Variants in ADAM20 observed in about 807,000 individuals in gnomAD.
ADAM20 encodes the protein disintegrin and metalloproteinase domain-containing protein 20.
For missense variants in ADAM20, 871 were observed against 883.2 expected, an observed-to-expected ratio of 0.99 and a Z score of 0.18; for synonymous variants, 305 against 310.2, an observed-to-expected ratio of 0.98 and a Z score of 0.18.
chr14:70,536,185 G>T (rs1333490943), upstream of ADAM20, among the ~76,000 whole-genome samples: 1 of 152,040 alleles, frequency 6.6e-6, no homozygotes, highest in Non-Finnish European at 1.5e-5. Context: ...AAGAATTGGG[G>T]CCAGGCATGG....
upstream of ADAM20, among the ~76,000 whole-genome samples, chr14:70,538,144 C>T (rs927092949): frequency 2.8e-4 from 42 of 152,166 alleles, 1 homozygote; most frequent in Admixed American, 1.7e-3. Flanking sequence ...CCCGGTGTCC[C>T]GCCCTGCCCC....
the ADAM20 span, among the ~76,000 whole-genome samples, chr14:70,575,411 G>A: frequency 1.3e-5 from 2 of 151,892 alleles, no homozygotes; most frequent in African/African-American, 4.8e-5. Context: ...AGACCAGCCT[G>A]GCCAATATGG....
At chr14:70,558,469 T>C in the ADAM20 span, among the ~76,000 whole-genome samples, 1 of 152,118 alleles carries the variant, frequency 6.6e-6, no homozygotes, top group South Asian at 2.1e-4. Flanking sequence ...TGTGTGCCTG[T>C]GTGTTATACA....
the ADAM20 span, among the ~76,000 whole-genome samples, chr14:70,579,402 G>A: frequency 4.8e-3 from 728 of 152,064 alleles, 6 homozygotes; most frequent in African/African-American, 0.016. Flanking sequence ...GTATCTCGTC[G>A]TGGTTTTAAT....
chr14:70,530,392 T>A (rs1398021109), intron 1 of ADAM20, among the ~76,000 whole-genome samples: 2 of 152,168 alleles, frequency 1.3e-5, no homozygotes, highest in Non-Finnish European at 2.9e-5. Context: ...GAGGCTGTTT[T>A]ACAGTTAGCT....
the ADAM20 span, among the ~76,000 whole-genome samples, chr14:70,576,305 G>A: frequency 4.6e-5 from 7 of 152,160 alleles, no homozygotes; most frequent in South Asian, 6.2e-4. Context: ...TTCTGCAGAC[G>A]TTCAAATATC....
At chr14:70,556,040 C>A in the ADAM20 span, among the ~76,000 whole-genome samples, 6,467 of 152,286 alleles carry the variant, frequency 0.042, 244 homozygotes, top group African/African-American at 0.097. Context: ...TAGTCTCCAA[C>A]GCCCACTTTC....
upstream of ADAM20, among the ~76,000 whole-genome samples, chr14:70,538,161 C>T (rs59748874): frequency 0.27 from 40,988 of 151,860 alleles, 7,687 homozygotes; most frequent in East Asian, 0.56. Flanking sequence ...CCCCCAAGCC[C>T]TCAGCCCCAA....
rs1883795935 is a variant in ADAM20, at chr14:70,534,794, T to C, written c.-177+3A>G. 1 of 152,250 alleles carries C rather than the reference T, an allele frequency of 6.6e-6. No homozygotes were observed. Among genetic ancestry groups the C allele is most frequent in the African/African-American group, 2.4e-5 (1 of 41,468 alleles). 9.4% of individuals were successfully genotyped at this position (152,250 alleles called of 1,614,324 possible). ...TACTGTAGCTCCTTCTAGCAAATCT[T>C]ACCTCTGTGTCTTTCAGTGTTCCAT... On this transcript the variant is annotated splice_donor_region_variant and intron_variant, in intron 1 of 1. Coordinates refer to ENST00000256389, the MANE Select transcript of ADAM20 (RefSeq NM_003814.5).
chr14:70,545,943 A>C, the ADAM20 span, among the ~76,000 whole-genome samples: 3 of 152,242 alleles, frequency 2.0e-5, no homozygotes, highest in Non-Finnish European at 4.4e-5. Flanking sequence ...GATCATTTTC[A>C]AGGACAAGAC....
the ADAM20 span, among the ~76,000 whole-genome samples, chr14:70,544,716 T>C: frequency 6.6e-6 from 1 of 152,112 alleles, no homozygotes; most frequent in African/African-American, 2.4e-5. Context: ...AAAGAAATGA[T>C]AAATGTCTAA....
the ADAM20 span, among the ~76,000 whole-genome samples, chr14:70,544,172 ATAAGCTCTCT>A: frequency 6.6e-6 from 1 of 152,150 alleles, no homozygotes; most frequent in East Asian, 1.9e-4. Flanking sequence ...CAAGCCTGTG[ATAAGCTCTCT>A]TATCCTAAAA....
chr14:70,566,221 T>A, the ADAM20 span, among the ~76,000 whole-genome samples: 1 of 152,294 alleles, frequency 6.6e-6, no homozygotes, highest in African/African-American at 2.4e-5. Context: ...AATATAAATG[T>A]TAAAAGACAA....
chr14:70,553,887 G>A, the ADAM20 span, among the ~76,000 whole-genome samples: 1 of 152,156 alleles, frequency 6.6e-6, no homozygotes, highest in Non-Finnish European at 1.5e-5. Flanking sequence ...CGACAAGGAT[G>A]CCCACTGTCA....
the ADAM20 span, among the ~76,000 whole-genome samples, chr14:70,569,166 C>T: frequency 6.6e-6 from 1 of 152,108 alleles, no homozygotes; most frequent in Non-Finnish European, 1.5e-5. Context: ...AAGTTCATAT[C>T]CTGCCAAACA....
the ADAM20 span, among the ~76,000 whole-genome samples, chr14:70,562,027 G>T: frequency 0.015 from 2,344 of 152,324 alleles, 58 homozygotes; most frequent in African/African-American, 0.048. Flanking sequence ...CCAGACCCCA[G>T]AATGGCAGAT....
the ADAM20 span, among the ~76,000 whole-genome samples, chr14:70,574,828 T>A: frequency 6.6e-6 from 1 of 151,760 alleles, no homozygotes; most frequent in Non-Finnish European, 1.5e-5. Flanking sequence ...ACGCAGCATA[T>A]ATATATAATG....
chr14:70,568,795 T>A, the ADAM20 span, among the ~76,000 whole-genome samples: 1 of 152,032 alleles, frequency 6.6e-6, no homozygotes, highest in African/African-American at 2.4e-5. Flanking sequence ...TGAAGGCTGG[T>A]CCTTCAAATT....
intron 1 of ADAM20, among the ~76,000 whole-genome samples, chr14:70,529,458 G>A (rs906703803): frequency 9.9e-5 from 15 of 152,074 alleles, no homozygotes; most frequent in Admixed American, 3.9e-4. Flanking sequence ...AGGTGATTTC[G>A]TCATTGTGCA....
Sources: gnomAD v4.1 joint callset for allele counts (sites outside exome capture counted in the v4.1 genomes callset) on GRCh38, gnomAD v4.1.1 for gene constraint, MANE v1.5 for transcripts, NCBI Gene and HGNC (gene_info 2026-07-23, HGNC 2026-07-21) for gene names.